Variants in PTPRD observed in about 807,000 individuals in gnomAD.
PTPRD encodes the protein receptor-type tyrosine-protein phosphatase delta.
Under a neutral mutation model 214.5 loss-of-function variants are expected in PTPRD, and 34 were observed. The ratio of observed to expected loss-of-function variants is 0.16; its 90% confidence interval spans 0.12 to 0.21. PTPRD has a LOEUF of 0.21. Ranked by LOEUF, PTPRD falls within the 10% of genes least tolerant of loss-of-function variation. PTPRD has a pLI of 1.00. For missense variants in PTPRD, 2,545 were observed against 2,398.7 expected (o/e 1.06, Z -1.27); for synonymous variants, 1,128 against 845.7 (o/e 1.33, Z -5.79).
Position 8,421,506 on chromosome 9 carries a change from A to G in PTPRD, c.4086+15086T>C, listed in dbSNP as rs561572353. Among the ~76,000 whole-genome samples, 8 of 152,270 alleles carry G rather than the reference A, an allele frequency of 5.3e-5. No homozygotes were observed. In the East Asian group the frequency reaches 7.7e-4, roughly 15 times the overall value. On this transcript the variant is annotated intron_variant, in intron 35 of 45. Transcript: ENST00000381196. ...AAGCTTTCATAATAGCAGAAGACACAAAAGTAAAACTGAAGACCCTGTAAT... is the reference window on the plus strand; with the variant it reads ...AAGCTTTCATAATAGCAGAAGACACGAAAGTAAAACTGAAGACCCTGTAAT...
chr9:9,640,767 A>G (rs2095914586), intron 7 of PTPRD, among the ~76,000 whole-genome samples: 1 of 152,234 alleles, frequency 6.6e-6, no homozygotes, highest in Non-Finnish European at 1.5e-5. Flanking sequence ...CAATAAATCA[A>G]AAAGAAGGGA....
chr9:10,091,339 T>C (rs2098427286), intron 3 of PTPRD, among the ~76,000 whole-genome samples: 1 of 151,542 alleles, frequency 6.6e-6, no homozygotes, highest in Admixed American at 6.6e-5. Flanking sequence ...AAGAGTTAAT[T>C]ATTTTTGTTA....
At chr9:10,537,479 T>C (rs1392670086) in intron 2 of PTPRD, among the ~76,000 whole-genome samples, 1 of 152,146 alleles carries the variant, frequency 6.6e-6, no homozygotes, top group African/African-American at 2.4e-5. Context: ...TATGTAAAAA[T>C]TGGGCATTAA....
chr9:10,503,442 C>A (rs2133344019), intron 2 of PTPRD, among the ~76,000 whole-genome samples: 1 of 151,874 alleles, frequency 6.6e-6, no homozygotes, highest in Non-Finnish European at 1.5e-5. Flanking sequence ...ATAATCAAGT[C>A]AATTTTTTTA....
intron 3 of PTPRD, among the ~76,000 whole-genome samples, chr9:10,088,992 G>C (rs2098395775): frequency 6.6e-6 from 1 of 151,434 alleles, no homozygotes; most frequent in Non-Finnish European, 1.5e-5. Flanking sequence ...GACCAATTGA[G>C]GCTAGGAATC....
At chr9:9,214,455 T>G (rs1412673202) in intron 9 of PTPRD, among the ~76,000 whole-genome samples, 1 of 151,954 alleles carries the variant, frequency 6.6e-6, no homozygotes, top group Non-Finnish European at 1.5e-5. Flanking sequence ...TGGTGACTGT[T>G]AAACGTTAAA....
Position 9,845,051 on chromosome 9 carries a change from T to C in PTPRD, c.-367-78200A>G, listed in dbSNP as rs10816203. ...ATACTGCTATATATATATAGCTATA[T>C]ATAGAGCAATATATATATATATATT... On this transcript the variant is annotated intron_variant, in intron 5 of 45. Coordinates refer to ENST00000381196, the MANE Select transcript of PTPRD (RefSeq NM_002839.4). Among the ~76,000 whole-genome samples, 1,582 of 56,840 alleles carry C rather than the reference T, an allele frequency of 0.028. 138 individuals carry two copies. The East Asian group carries it at 0.49, about 18-fold the overall frequency. 37.3% of individuals were successfully genotyped at this position (56,840 alleles called of 152,430 possible). A position where few individuals can be genotyped will look rare whatever the true frequency, so the allele number is the denominator to read the frequency against.
At chr9:9,720,511 G>A (rs2097916424) in intron 7 of PTPRD, among the ~76,000 whole-genome samples, 1 of 152,210 alleles carries the variant, frequency 6.6e-6, no homozygotes, top group Admixed American at 6.5e-5. Flanking sequence ...AATACTGGCA[G>A]GGTAGTAAAC....
At chr9:8,847,324 T>C (rs10815973) in intron 11 of PTPRD, among the ~76,000 whole-genome samples, 31,946 of 152,024 alleles carry the variant, frequency 0.21, 4,046 homozygotes, top group South Asian at 0.35. Flanking sequence ...AATTTATAAG[T>C]ATTATTTTAA....
intron 21 of PTPRD, among the ~76,000 whole-genome samples, chr9:8,514,453 C>T (rs2097746383): frequency 6.6e-6 from 1 of 151,738 alleles, no homozygotes; most frequent in South Asian, 2.1e-4. Context: ...TAAATTTCAG[C>T]CAGATTTACT....
intron 7 of PTPRD, among the ~76,000 whole-genome samples, chr9:9,685,390 G>A (rs2097149684): frequency 6.6e-6 from 1 of 151,270 alleles, no homozygotes; most frequent in South Asian, 2.1e-4. Context: ...CCAAATGCAA[G>A]TTCAGTAAAA....
intron 9 of PTPRD, among the ~76,000 whole-genome samples, chr9:9,363,111 C>CTTTTTTTTT (rs3048061): frequency 7.7e-6 from 1 of 129,862 alleles, no homozygotes; most frequent in African/African-American, 2.8e-5. Flanking sequence ...CTATTTTGTG[C>CTTTTTTTTT]TTTTTTTTTT....
intron 44 of PTPRD, among the ~76,000 whole-genome samples, chr9:8,325,216 G>GTTTTTTTT (rs1436113097): frequency 2.2e-4 from 32 of 148,766 alleles, no homozygotes; most frequent in African/African-American, 5.4e-4. Flanking sequence ...TCTTCTAGGG[G>GTTTTTTTT]TTTTCATCAT....
In PTPRD at chr9:8,427,853, G is replaced by T. The variant is rs562185238; in HGVS notation, c.4086+8739C>A. 2.0e-5 allele frequency among the ~76,000 whole-genome samples: 3 copies of T among 152,052 alleles called. No homozygotes were observed. In the South Asian group the frequency reaches 6.2e-4, roughly 32 times the overall value. On this transcript the variant is annotated intron_variant, in intron 35 of 45. Coordinates refer to ENST00000381196, the MANE Select transcript of PTPRD (RefSeq NM_002839.4). ...GATGGCATCGTGCAGTTATAGGGGT[G>T]ATATCTTTTATTCCTTAGTGGTACA...
At chr9:10,540,854 T>G (rs77651333) in intron 2 of PTPRD, among the ~76,000 whole-genome samples, 1 of 152,146 alleles carries the variant, frequency 6.6e-6, no homozygotes, top group Non-Finnish European at 1.5e-5. Flanking sequence ...CTCTGCAGTT[T>G]GGCACAATTT....
intron 39 of PTPRD, among the ~76,000 whole-genome samples, chr9:8,347,885 C>T (rs2074318938): frequency 6.6e-6 from 1 of 152,178 alleles, no homozygotes; most frequent in Non-Finnish European, 1.5e-5. Flanking sequence ...TCATCTTGGA[C>T]TTCCAGCATC....
intron 36 of PTPRD, among the ~76,000 whole-genome samples, chr9:8,391,683 A>G (rs2089621305): frequency 6.6e-6 from 1 of 152,182 alleles, no homozygotes. Context: ...TCAGCTGCCA[A>G]TATACAGAAA....
intron 10 of PTPRD, among the ~76,000 whole-genome samples, chr9:9,136,042 T>C (rs2099850318): frequency 6.6e-6 from 1 of 152,156 alleles, no homozygotes; most frequent in Admixed American, 6.5e-5. Context: ...TACATAGTAA[T>C]TTGAGAGAAC....
chr9:8,950,064 T>C (rs2099093199), intron 11 of PTPRD, among the ~76,000 whole-genome samples: 1 of 152,124 alleles, frequency 6.6e-6, no homozygotes, highest in African/African-American at 2.4e-5. Flanking sequence ...ACAAAATAGG[T>C]ATTGGAATGT....
Sources: gnomAD v4.1 joint callset for allele counts (sites outside exome capture counted in the v4.1 genomes callset) on GRCh38, gnomAD v4.1.1 for gene constraint, MANE v1.5 for transcripts, NCBI Gene and HGNC (gene_info 2026-07-23, HGNC 2026-07-21) for gene names.